The following GLMN variants were observed in gnomAD, a reference collection of about 807,000 sequenced individuals.
The protein encoded by GLMN is glomulin, FKBP associated protein, also known as glomulin.
GLMN carries 75 observed loss-of-function variants against 87.8 expected under a neutral mutation model. The observed-to-expected ratio is 0.85, with a 90% CI of 0.71 to 1.04. The LOEUF is 1.04. Among genes scored for constraint, GLMN ranks in the 50% least tolerant of loss-of-function variants. The pLI is 0.00. For synonymous variants in GLMN, 206 were observed against 221.6 expected, an observed-to-expected ratio of 0.93 and a Z score of 0.63; for missense variants, 588 against 658.8, an observed-to-expected ratio of 0.89 and a Z score of 1.18.
At chr1:92,360,340 G>A in the GLMN span, among the ~76,000 whole-genome samples, 4 of 152,212 alleles carry the variant, frequency 2.6e-5, no homozygotes, top group African/African-American at 9.6e-5. Flanking sequence ...AATGATAGGA[G>A]TGGAGACCAG....
chr1:92,305,432 CAAAA>C, the GLMN span, among the ~76,000 whole-genome samples: 8 of 52,696 alleles, frequency 1.5e-4, 1 homozygote, highest in Admixed American at 4.9e-4. Flanking sequence ...GGCTCCGTCT[CAAAA>C]AAAAAAAAAA....
rs185889746 is a variant in GLMN, at chr1:92,264,437, T to C, written c.1299+117A>G. 24 of 637,816 alleles carry C rather than the reference T, an allele frequency of 3.8e-5. No homozygotes were observed. The Admixed American group carries it at 6.9e-4, about 18-fold the overall frequency. 39.5% of individuals were successfully genotyped at this position (637,816 alleles called of 1,614,324 possible). ...TAGGGGAAAAAATATGCCTTAATAA[T>C]ATTTAAGTAATAGTAATACTAGAGA... On this transcript the variant is annotated intron_variant, in intron 14 of 18. Transcript: ENST00000370360.
intron 7 of GLMN, among the ~76,000 whole-genome samples, chr1:92,281,531 A>G (rs1648051326): frequency 6.6e-6 from 1 of 152,224 alleles, no homozygotes; most frequent in African/African-American, 2.4e-5. Flanking sequence ...AATGGTAAAG[A>G]CCAGTGACAC....
rs187344490 is a variant in GLMN, at chr1:92,276,165, G to A, written c.736-4513C>T. Among the ~76,000 whole-genome samples, 9 of 152,218 alleles carry A rather than the reference G, an allele frequency of 5.9e-5. No individual in the cohort carries two copies. In the East Asian group the frequency reaches 9.6e-4, roughly 16 times the overall value. On this transcript the variant is annotated intron_variant, in intron 7 of 18. Transcript: ENST00000370360. ...CACTTGAGCCTGGGAGGTTGAGGCT[G>A]CAGTGAGCCATGGTTGTGCCACTGC...
Position 92,289,485 on chromosome 1 carries a change from T to C in GLMN, c.395-334A>G, listed in dbSNP as rs370110006. On this transcript the variant is annotated intron_variant, in intron 5 of 18. Coordinates refer to ENST00000370360, the MANE Select transcript of GLMN (RefSeq NM_053274.3). ...TGTAAACTATAAAGCACTACACAAA[T>C]AGGAGGTGGTATTATTAGATTTTTT... is the stretch of plus-strand genomic sequence containing the variant. Among the ~76,000 whole-genome samples the C allele has an allele frequency of 5.3e-5, 8 of 152,252 alleles. No individual in the cohort carries two copies. The East Asian group carries it at 1.2e-3, about 22-fold the overall frequency.
At chr1:92,329,828 C>G in the GLMN span, among the ~76,000 whole-genome samples, 1 of 152,140 alleles carries the variant, frequency 6.6e-6, no homozygotes, top group Non-Finnish European at 1.5e-5. Context: ...CACATATTTT[C>G]AGAATGAGTG....
chr1:92,279,736 CAG>C (rs993847656), intron 7 of GLMN, among the ~76,000 whole-genome samples: 1 of 152,228 alleles, frequency 6.6e-6, no homozygotes, highest in African/African-American at 2.4e-5. Context: ...TCTGGAGAAA[CAG>C]TACACTCCTG....
At chr1:92,263,444 A>G (rs1655261014) in intron 15 of GLMN, among the ~76,000 whole-genome samples, 179 bp downstream of exon 15, 1 of 151,666 alleles carries the variant, frequency 6.6e-6, no homozygotes, top group South Asian at 2.1e-4. Context: ...GGAGGTTTTA[A>G]TTTTGTTTCT....
chr1:92,348,160 A>T, the GLMN span, among the ~76,000 whole-genome samples: 1 of 152,202 alleles, frequency 6.6e-6, no homozygotes, highest in South Asian at 2.1e-4. Flanking sequence ...AAGTGCTGTG[A>T]TTACAGGCAT....
At chr1:92,321,822 A>G in the GLMN span, among the ~76,000 whole-genome samples, 15 of 152,014 alleles carry the variant, frequency 9.9e-5, no homozygotes, top group Non-Finnish European at 1.9e-4. Flanking sequence ...TTTTCTGTAC[A>G]ACAATCAACC....
the GLMN span, among the ~76,000 whole-genome samples, chr1:92,331,177 A>T: frequency 6.6e-6 from 1 of 152,220 alleles, no homozygotes; most frequent in Non-Finnish European, 1.5e-5. Flanking sequence ...TGGTGAATTG[A>T]AACTCATATC....
the GLMN span, chr1:92,320,559 C>T: frequency 2.2e-4 from 345 of 1,594,336 alleles, no homozygotes; most frequent in Non-Finnish European, 2.7e-4. Flanking sequence ...CATGAGCCAC[C>T]GCACCCGGCC....
chr1:92,285,821 A>C (rs1413242000), intron 7 of GLMN, among the ~76,000 whole-genome samples: 1 of 152,162 alleles, frequency 6.6e-6, no homozygotes, highest in Non-Finnish European at 1.5e-5. Flanking sequence ...ACTTAAAATA[A>C]ATTTTTTAAT....
chr1:92,368,004 G>A, the GLMN span, among the ~76,000 whole-genome samples: 2 of 152,162 alleles, frequency 1.3e-5, no homozygotes, highest in African/African-American at 2.4e-5. Context: ...ATCTTCACAC[G>A]TATCACCTAG....
the GLMN span, among the ~76,000 whole-genome samples, chr1:92,305,959 C>T: frequency 0.48 from 72,501 of 151,868 alleles, 18,296 homozygotes; most frequent in East Asian, 0.96. Context: ...AAAATTCTTA[C>T]ACATGTACAC....
chr1:92,298,895 C>T, intron 1 of GLMN, 30 bp downstream of exon 1: 1 of 409,884 alleles, frequency 2.4e-6, no homozygotes, highest in Non-Finnish European at 4.3e-6. Context: ...GAGCCCTGGC[C>T]ACCCTGAACC....
intron 16 of GLMN, among the ~76,000 whole-genome samples, chr1:92,260,570 G>A (rs533865122): frequency 1.9e-3 from 290 of 151,730 alleles, no homozygotes; most frequent in African/African-American, 6.5e-3. Flanking sequence ...AGCAGAGATC[G>A]TGCCACTGCA....
At chr1:92,247,251 AATT>A (rs1165582532) in intron 17 of GLMN, 107 bp from the exon 18 acceptor site, 1 of 750,506 alleles carries the variant, frequency 1.3e-6, no homozygotes, top group Non-Finnish European at 2.4e-6. Context: ...TATTTGTATA[AATT>A]ATTAAGTCCA....
chr1:92,317,706 A>G, the GLMN span, among the ~76,000 whole-genome samples: 1 of 152,260 alleles, frequency 6.6e-6, no homozygotes, highest in Non-Finnish European at 1.5e-5. Flanking sequence ...TTTTACCACA[A>G]TTTAAAAAAT....
Sources: gnomAD v4.1 joint callset for allele counts (sites outside exome capture counted in the v4.1 genomes callset) on GRCh38, gnomAD v4.1.1 for gene constraint, MANE v1.5 for transcripts, NCBI Gene and HGNC (gene_info 2026-07-23, HGNC 2026-07-21) for gene names.